NEBL: variants seen among roughly 807,000 people sequenced by gnomAD.
NEBL encodes the protein LIM and SH3 protein 2.
A neutral mutation model predicts 140.2 loss-of-function variants in NEBL; 122 were observed. The ratio of observed to expected loss-of-function variants is 0.87; its 90% CI spans 0.75 to 1.01. The LOEUF is 1.01. Among genes scored for constraint, NEBL ranks in the 50% least tolerant of loss-of-function variants. The pLI, the probability that NEBL is intolerant of heterozygous loss-of-function variation, is 0.00. For synonymous variants in NEBL, 436 were observed against 398.9 expected (o/e 1.09, Z -1.11); for missense variants, 1,365 against 1,231.3 (o/e 1.11, Z -1.62).
chr10:20,938,185 C>T (rs1398986813), intron 4 of NEBL, among the ~76,000 whole-genome samples: 1 of 152,180 alleles, frequency 6.6e-6, no homozygotes, highest in African/African-American at 2.4e-5. Context: ...TGGGAGGCAC[C>T]CCCCAGTAGG....
At chr10:21,074,551 C>A (rs574375789) in intron 2 of NEBL, among the ~76,000 whole-genome samples, 1 of 150,090 alleles carries the variant, frequency 6.7e-6, no homozygotes, top group African/African-American at 2.5e-5. Context: ...GATCTTGGCT[C>A]ACTGCAACCT....
chr10:21,201,443 T>G (rs1841735158), intron 3 of NEBL, among the ~76,000 whole-genome samples: 1 of 152,222 alleles, frequency 6.6e-6, no homozygotes, highest in African/African-American at 2.4e-5. Flanking sequence ...GATTAGCACA[T>G]TTATATTCAG....
rs573572196 is a variant in NEBL at position 20,841,153 on chromosome 10, C to T, written c.1228-304G>A. On this transcript the variant is annotated intron_variant, in intron 12 of 27. Coordinates refer to ENST00000377122, the MANE Select transcript of NEBL (RefSeq NM_006393.3). ...AATGGTGAGGAAGATCTTAAGAACA[C>T]GTGTTCCTTATTAATTGTTAAAACT... Among the ~76,000 whole-genome samples, 6 of 152,088 alleles carry T rather than the reference C, an allele frequency of 3.9e-5. No homozygotes were observed. The South Asian group carries it at 8.3e-4, about 21-fold the overall frequency.
rs1842925345 is a variant in NEBL at position 21,276,366 on chromosome 10, C to T, written n.182+16464G>A. Among the ~76,000 whole-genome samples, 4 of 152,314 alleles carry T rather than the reference C, an allele frequency of 2.6e-5. No individual in the cohort carries two copies. The South Asian group carries it at 8.3e-4, about 32-fold the overall frequency. ...TGAGGTTAACCCACACCTTGGGCTTCATCCCACCACAACCCTCCACCCACC... is the reference window on the plus strand; with the variant it reads ...TGAGGTTAACCCACACCTTGGGCTTTATCCCACCACAACCCTCCACCCACC... On this transcript the variant is annotated intron_variant and non_coding_transcript_variant, in intron 1 of 8. Coordinates refer to the NEBL transcript ENST00000675702.
At chr10:21,075,872 T>C (rs1230002071) in intron 2 of NEBL, among the ~76,000 whole-genome samples, 1 of 152,030 alleles carries the variant, frequency 6.6e-6, no homozygotes, top group African/African-American at 2.4e-5. Context: ...GGGCAGAGGA[T>C]TTGAACAGAT....
upstream of NEBL, among the ~76,000 whole-genome samples, chr10:20,901,591 T>C (rs1847872369): frequency 6.6e-6 from 1 of 151,758 alleles, no homozygotes; most frequent in South Asian, 2.1e-4. Context: ...GGGAAAAAAG[T>C]ACAGAGATAA....
intron 2 of NEBL, among the ~76,000 whole-genome samples, chr10:21,042,188 T>C (rs189943842): frequency 6.6e-6 from 1 of 152,360 alleles, no homozygotes; most frequent in Admixed American, 6.5e-5. Flanking sequence ...AAGGACTCTG[T>C]ATTTAACGTC....
intron 1 of NEBL, among the ~76,000 whole-genome samples, chr10:21,285,593 C>A (rs538415066): frequency 6.6e-6 from 1 of 152,334 alleles, no homozygotes; most frequent in South Asian, 2.1e-4. Flanking sequence ...TCAGGACCTC[C>A]TGAGGCTGTG....
chr10:20,816,329 C>G (rs899032253), intron 21 of NEBL, among the ~76,000 whole-genome samples: 1 of 152,124 alleles, frequency 6.6e-6, no homozygotes, highest in African/African-American at 2.4e-5. Flanking sequence ...AGGTATTCAC[C>G]GTAGACTGGT....
chr10:21,053,759 A>T (rs1376038268), intron 2 of NEBL, among the ~76,000 whole-genome samples: 1 of 152,136 alleles, frequency 6.6e-6, no homozygotes, highest in East Asian at 1.9e-4. Flanking sequence ...AGGGCTGGGC[A>T]TGGTGGCTCA....
At chr10:20,907,049 T>C (rs772546407) in intron 4 of NEBL, among the ~76,000 whole-genome samples, 1 of 152,168 alleles carries the variant, frequency 6.6e-6, no homozygotes, top group Non-Finnish European at 1.5e-5. Flanking sequence ...CAGATGTAGA[T>C]AGTGGTGACC....
At chr10:20,903,318 C>T (rs566498795) in intron 4 of NEBL, among the ~76,000 whole-genome samples, 4 of 152,150 alleles carry the variant, frequency 2.6e-5, no homozygotes, top group South Asian at 2.1e-4. Context: ...CAATAAGATA[C>T]GGCCTTACCC....
intron 2 of NEBL, among the ~76,000 whole-genome samples, chr10:21,161,728 G>C (rs1840567993): frequency 2.0e-5 from 3 of 152,094 alleles, no homozygotes; most frequent in Admixed American, 2.0e-4. Flanking sequence ...TGTCCTGATG[G>C]AATAGGAAGG....
chr10:21,149,308 T>G (rs182313087), intron 2 of NEBL, among the ~76,000 whole-genome samples: 272 of 147,650 alleles, frequency 1.8e-3, no homozygotes, highest in African/African-American at 6.3e-3. Context: ...TTTTTCTTTT[T>G]GAGACAGAGT....
intron 2 of NEBL, among the ~76,000 whole-genome samples, chr10:21,141,893 G>A (rs1839647583): frequency 6.6e-6 from 1 of 152,112 alleles, no homozygotes; most frequent in East Asian, 1.9e-4. Context: ...CTGAGGTCCA[G>A]GATTATTCTC....
intron 4 of NEBL, among the ~76,000 whole-genome samples, chr10:20,931,924 T>C (rs956171937): frequency 6.6e-6 from 1 of 152,192 alleles, no homozygotes; most frequent in African/African-American, 2.4e-5. Flanking sequence ...CACAAATTAT[T>C]TTATTACTAA....
At chr10:21,186,043 C>A (rs907612724) in intron 3 of NEBL, among the ~76,000 whole-genome samples, 5 of 152,074 alleles carry the variant, frequency 3.3e-5, no homozygotes, top group Middle Eastern at 3.2e-3. Flanking sequence ...TGTTTGGTTT[C>A]ATTTCCATTT....
At chr10:20,864,896 C>T (rs1392949154) in intron 7 of NEBL, among the ~76,000 whole-genome samples, 5 of 151,990 alleles carry the variant, frequency 3.3e-5, no homozygotes, top group Non-Finnish European at 7.4e-5. Flanking sequence ...TTTTATACAG[C>T]TTATAAAATC....
At chr10:20,929,117 T>C (rs1373789854) in intron 4 of NEBL, among the ~76,000 whole-genome samples, 1 of 152,094 alleles carries the variant, frequency 6.6e-6, no homozygotes, top group Non-Finnish European at 1.5e-5. Context: ...ACTGGGTATC[T>C]ACCCAGAGGA....
Sources: allele counts gnomAD v4.1 joint callset (sites outside exome capture counted in the v4.1 genomes callset), GRCh38; gene constraint gnomAD v4.1.1; transcripts MANE v1.5; gene names NCBI Gene and HGNC (gene_info 2026-07-23, HGNC 2026-07-21).